The following LIPA variants were observed in gnomAD, a reference collection of about 807,000 sequenced individuals.
LIPA encodes the protein lysosomal acid lipase/cholesteryl ester hydrolase.
A neutral mutation model predicts 40.6 loss-of-function variants in LIPA; 26 were observed. That is an observed-to-expected ratio of 0.64 (90% CI 0.47 to 0.89). The LOEUF is 0.89. Among genes scored for constraint, LIPA ranks in the 40% least tolerant of loss-of-function variants. The pLI, the probability that LIPA is intolerant of heterozygous loss-of-function variation, is 0.00. For synonymous variants in LIPA, 188 were observed against 168.4 expected (o/e 1.12, Z -0.90); for missense variants, 455 against 479.6 (o/e 0.95, Z 0.48).
chr10:89,349,941 C>A (rs1005474718), intron 2 of LIPA, among the ~76,000 whole-genome samples: 5 of 152,182 alleles, frequency 3.3e-5, no homozygotes, highest in Non-Finnish European at 7.3e-5. Flanking sequence ...GTATCCCCAA[C>A]CCCTACTTCC....
chr10:89,339,654 C>T (rs758370886), intron 1 of LIPA: 17 of 1,614,038 alleles, frequency 1.1e-5, no homozygotes, highest in South Asian at 3.3e-5. Flanking sequence ...ATGCATACTC[C>T]GATCTCGCTG....
At chr10:89,373,994 C>T (rs1015153363) in intron 2 of LIPA, among the ~76,000 whole-genome samples, 2 of 152,182 alleles carry the variant, frequency 1.3e-5, no homozygotes, top group Non-Finnish European at 2.9e-5. Context: ...CATGCCTGGG[C>T]TTCACTTCCA....
chr10:89,339,809 G>T (rs542426129), intron 1 of LIPA: 1 of 1,614,174 alleles, frequency 6.2e-7, no homozygotes, highest in East Asian at 2.2e-5. Context: ...GGTTTAGAGG[G>T]TTTGTCCATA....
intron 1 of LIPA, among the ~76,000 whole-genome samples, chr10:89,265,886 C>G (rs1253952921): frequency 6.6e-6 from 1 of 152,168 alleles, no homozygotes; most frequent in Admixed American, 6.5e-5. Context: ...TCCAAAAATC[C>G]AAAATCCAAA....
chr10:89,223,907 G>C, intron 6 of LIPA, 77 bp from the exon 7 acceptor site: 1 of 1,446,722 alleles, frequency 6.9e-7, no homozygotes, highest in South Asian at 1.1e-5. Context: ...CACCTCAGAA[G>C]CAGAGACAAG....
intron 1 of LIPA, among the ~76,000 whole-genome samples, chr10:89,313,311 A>C (rs1843525250): frequency 6.6e-6 from 1 of 152,226 alleles, no homozygotes; most frequent in African/African-American, 2.4e-5. Flanking sequence ...TCCATTTTTC[A>C]GTTTATCCTT....
chr10:89,339,714 T>C lies in LIPA; in HGVS notation c.-2+2897A>G, dbSNP rs775871202. 2.5e-6 allele frequency: 4 copies of C among 1,614,220 alleles called. No homozygotes were observed. In the South Asian group the frequency reaches 4.4e-5, roughly 18 times the overall value. On this transcript the variant is annotated intron_variant, in intron 1 of 5. Transcript: ENST00000282673. The stretch of plus-strand genomic sequence containing the variant: ...AGACACCATTCAATAAGGAAGTCCC[T>C]GATGCTGAAAAGCAACAATCCCATC...
intron 1 of LIPA, among the ~76,000 whole-genome samples, chr10:89,267,394 A>T (rs943915422): frequency 4.6e-5 from 7 of 152,120 alleles, no homozygotes; most frequent in African/African-American, 1.7e-4. Flanking sequence ...TCCTTAGTAG[A>T]CTGACACAGC....
chr10:89,240,626 A>T (rs1842954084), intron 3 of LIPA, among the ~76,000 whole-genome samples: 1 of 152,202 alleles, frequency 6.6e-6, no homozygotes, highest in Non-Finnish European at 1.5e-5. Context: ...CAAGAGGTAA[A>T]GAAAATTGCC....
chr10:89,274,505 T>C (rs1843280448), intron 1 of LIPA, among the ~76,000 whole-genome samples: 1 of 152,202 alleles, frequency 6.6e-6, no homozygotes, highest in Admixed American at 6.5e-5. Flanking sequence ...AAAGAGACTG[T>C]TGGGTTGAAC....
At chr10:89,366,381 T>C (rs888952435) in intron 2 of LIPA, among the ~76,000 whole-genome samples, 11 of 152,224 alleles carry the variant, frequency 7.2e-5, no homozygotes, top group Admixed American at 2.0e-4. Flanking sequence ...TATACAATCA[T>C]GTCATCTGCA....
chr10:89,288,254 G>C (rs1402673231), intron 1 of LIPA, among the ~76,000 whole-genome samples: 2 of 151,994 alleles, frequency 1.3e-5, no homozygotes, highest in East Asian at 3.9e-4. Flanking sequence ...GCATGGTTAG[G>C]TATTTCCACC....
At chr10:89,269,499 A>T (rs1843254609) in intron 1 of LIPA, among the ~76,000 whole-genome samples, 1 of 152,090 alleles carries the variant, frequency 6.6e-6, no homozygotes, top group Non-Finnish European at 1.5e-5. Flanking sequence ...CTTCTCTTCA[A>T]CATTGTGCAA....
intron 1 of LIPA, among the ~76,000 whole-genome samples, chr10:89,267,318 G>A (rs981033648): frequency 5.3e-5 from 8 of 152,170 alleles, no homozygotes; most frequent in Non-Finnish European, 1.2e-4. Context: ...GGCTCAGAGA[G>A]ATGAGATTGT....
At chr10:89,255,837 G>A (rs1365878703), upstream of LIPA, among the ~76,000 whole-genome samples, 1 of 152,206 alleles carries the variant, frequency 6.6e-6, no homozygotes. Flanking sequence ...GGAAATAGAA[G>A]CCACTCTAGG....
chr10:89,318,110 A>T (rs1016418928), intron 1 of LIPA, among the ~76,000 whole-genome samples: 42 of 152,184 alleles, frequency 2.8e-4, no homozygotes, highest in Admixed American at 7.2e-4. Flanking sequence ...CCACTGCAAA[A>T]CATGTCAAAG....
chr10:89,228,218 T>G lies in LIPA; in HGVS notation c.410A>C (p.Asp137Ala). The G allele has an allele frequency of 6.2e-7, 1 of 1,614,092 alleles. No homozygotes were observed. The highest frequency in any genetic ancestry group is 1.1e-5 in the South Asian group (1 of 91,086). Residue 137 changes from aspartate (D) to alanine (A), a missense_variant, in exon 4 of 10, where the codon GAT becomes GCT. Asp to Ala is a moderately radical substitution (Grantham distance 126, BLOSUM62 -2). Coordinates refer to ENST00000336233, the MANE Select transcript of LIPA (RefSeq NM_000235.4). ...TATATACCTGAAAGCCCAGAATTCATCCTGAGAAACTGAGAGTGTCTTATG... is the reference window on the plus strand; with the variant it reads ...TATATACCTGAAAGCCCAGAATTCAGCCTGAGAAACTGAGAGTGTCTTATG... ...RKHKTLSVSQ[D>A]EFWAFSYDEM...
chr10:89,223,860 C>G, intron 6 of LIPA, 30 bp from the exon 7 acceptor site: 1 of 1,611,830 alleles, frequency 6.2e-7, no homozygotes, highest in African/African-American at 1.3e-5. Context: ...CCAAGAACAT[C>G]TCAGCATTTC....
In LIPA at chr10:89,273,538, T is replaced by A. The variant is rs1589585399; in HGVS notation, c.-1-25889A>T. 2.0e-5 allele frequency among the ~76,000 whole-genome samples: 3 copies of A among 152,182 alleles called. No homozygotes were observed. The East Asian group carries it at 5.8e-4, about 29-fold the overall frequency. ...GGCTCTGAGAAAACAGAGCTGATGG[T>A]TAAGAACATTTTGACACCCTGGAAA... On this transcript the variant is annotated intron_variant, in intron 1 of 5. Transcript: ENST00000282673.
Sources: gnomAD v4.1 joint callset for allele counts (sites outside exome capture counted in the v4.1 genomes callset) on GRCh38, gnomAD v4.1.1 for gene constraint, MANE v1.5 for transcripts, NCBI Gene and HGNC (gene_info 2026-07-23, HGNC 2026-07-21) for gene names.